Variants in CADM2 observed in about 807,000 individuals in gnomAD.
The protein encoded by CADM2 is cell adhesion molecule 2.
Under a neutral mutation model 49.8 loss-of-function variants are expected in CADM2, and 12 were observed. The observed-to-expected ratio is 0.24, with a 90% CI of 0.15 to 0.39. The LOEUF is 0.39. Among genes scored for constraint, CADM2 ranks in the 10% least tolerant of loss-of-function variants. CADM2 has a pLI of 1.00. For missense variants in CADM2, 378 were observed against 492.3 expected (o/e 0.77, Z 2.20); for synonymous variants, 214 against 175.4 (o/e 1.22, Z -1.74).
At chr3:85,598,727 TA>T (rs910363825) in intron 1 of CADM2, among the ~76,000 whole-genome samples, 87 of 152,112 alleles carry the variant, frequency 5.7e-4, no homozygotes, top group African/African-American at 1.9e-3. Context: ...AAAAAAATTT[TA>T]AATTCCAGTA....
chr3:86,011,534 T>C (rs1297103511), intron 8 of CADM2, among the ~76,000 whole-genome samples: 1 of 151,824 alleles, frequency 6.6e-6, no homozygotes, highest in African/African-American at 2.4e-5. Flanking sequence ...TTAAAATTGG[T>C]GGAATTGGGG....
intron 1 of CADM2, among the ~76,000 whole-genome samples, chr3:85,143,869 G>T (rs1358733912): frequency 1.3e-5 from 2 of 152,058 alleles, no homozygotes; most frequent in Non-Finnish European, 1.5e-5. Context: ...GTTTTCCAGA[G>T]GTTCTCATTT....
intron 1 of CADM2, among the ~76,000 whole-genome samples, chr3:84,997,167 A>G (rs763072149): frequency 2.0e-4 from 30 of 152,256 alleles, no homozygotes; most frequent in Non-Finnish European, 2.8e-4. Flanking sequence ...GATTTGTCCA[A>G]TAAAATTATT....
intron 1 of CADM2, among the ~76,000 whole-genome samples, chr3:85,295,421 C>T (rs144190294): frequency 0.066 from 9,965 of 152,106 alleles, 1,068 homozygotes; most frequent in African/African-American, 0.23. Flanking sequence ...TACCATTTGA[C>T]GCAGCCATCC....
intron 1 of CADM2, among the ~76,000 whole-genome samples, chr3:85,294,202 C>G (rs370168541): frequency 1.1e-4 from 16 of 152,070 alleles, no homozygotes; most frequent in East Asian, 9.7e-4. Context: ...GCTTCAAAGA[C>G]AATAAAATAC....
At chr3:85,643,929 G>A (rs1260642926) in intron 1 of CADM2, among the ~76,000 whole-genome samples, 2 of 151,986 alleles carry the variant, frequency 1.3e-5, no homozygotes, top group Admixed American at 1.3e-4. Flanking sequence ...TACATTGGGG[G>A]TTAGGGCTTT....
At chr3:85,946,266 A>C (rs1281319654) in intron 7 of CADM2, among the ~76,000 whole-genome samples, 3 of 150,932 alleles carry the variant, frequency 2.0e-5, no homozygotes, top group Admixed American at 1.3e-4. Flanking sequence ...ACCACTGCTC[A>C]ACTAAATAAA....
intron 1 of CADM2, among the ~76,000 whole-genome samples, chr3:85,568,411 C>CTTTCTTTCTTTCTT (rs1559915646): frequency 3.6e-5 from 1 of 27,516 alleles, no homozygotes; most frequent in African/African-American, 1.1e-4. Flanking sequence ...TTCTTTCTTT[C>CTTTCTTTCTTTCTT]TTTCTTTCTT....
chr3:85,380,724 G>A (rs2107352806), intron 1 of CADM2, among the ~76,000 whole-genome samples: 1 of 151,446 alleles, frequency 6.6e-6, no homozygotes, highest in Non-Finnish European at 1.5e-5. Flanking sequence ...TGAATAATTT[G>A]TTTCCTCAAT....
In CADM2 at chr3:86,073,282, T is replaced by C. The variant is rs1204549591; in HGVS notation, c.*6499T>C. Reference sequence around the variant, plus strand: ...TGCTATTTATATGACATGAAATTCATAACTTTTGGAAGGGTATATTTATGA... The same window carrying C: ...TGCTATTTATATGACATGAAATTCACAACTTTTGGAAGGGTATATTTATGA... On this transcript the variant is annotated 3_prime_UTR_variant, in exon 10 of 10. Transcript: ENST00000383699. The C allele has an allele frequency of 6.6e-6, 1 of 152,026 alleles. No homozygotes were observed. The highest frequency in any genetic ancestry group is 1.5e-5 in the Non-Finnish European group (1 of 67,934). 9.4% of individuals were successfully genotyped at this position (152,026 alleles called of 1,614,324 possible).
At chr3:85,174,016 A>G (rs1388151784) in intron 1 of CADM2, among the ~76,000 whole-genome samples, 1 of 152,178 alleles carries the variant, frequency 6.6e-6, no homozygotes, top group Non-Finnish European at 1.5e-5. Flanking sequence ...CATACCACAC[A>G]CATACACACA....
At chr3:85,512,117 A>G (rs547022917) in intron 1 of CADM2, among the ~76,000 whole-genome samples, 2 of 152,182 alleles carry the variant, frequency 1.3e-5, no homozygotes, top group South Asian at 4.1e-4. Context: ...GGTAGTGAGC[A>G]GAGAGGCTAA....
intron 7 of CADM2, among the ~76,000 whole-genome samples, chr3:85,945,944 G>A (rs542002243): frequency 6.6e-6 from 1 of 152,176 alleles, no homozygotes; most frequent in East Asian, 1.9e-4. Context: ...TCAGGCAGGA[G>A]AAAGAAATAA....
chr3:85,300,153 C>T (rs1196522905), intron 1 of CADM2, among the ~76,000 whole-genome samples: 2 of 152,048 alleles, frequency 1.3e-5, no homozygotes, highest in African/African-American at 4.8e-5. Flanking sequence ...TTTTTATCCA[C>T]GCACTTTCCA....
In CADM2 at chr3:85,221,035, G is replaced by T. The variant is rs1054387154; in HGVS notation, c.61+261367G>T. On this transcript the variant is annotated intron_variant, in intron 1 of 9. Coordinates refer to ENST00000383699, the MANE Select transcript of CADM2 (RefSeq NM_001167675.2). ...TCAACCTGCCTGTGAAACTGTAGGA[G>T]AATTAATGCCCAGAGTAAAGAATCG... Among the ~76,000 whole-genome samples the T allele has an allele frequency of 2.6e-5, 4 of 152,156 alleles. No homozygotes were observed. The East Asian group carries it at 7.7e-4, about 29-fold the overall frequency.
At chr3:85,645,655 TAATAA>T (rs1213252209) in intron 1 of CADM2, among the ~76,000 whole-genome samples, 7 of 151,942 alleles carry the variant, frequency 4.6e-5, no homozygotes, top group Non-Finnish European at 1.0e-4. Flanking sequence ...ATCTTGGATA[TAATAA>T]AATAATGAAA....
At chr3:85,996,390 C>T (rs980262859) in intron 8 of CADM2, among the ~76,000 whole-genome samples, 2 of 149,758 alleles carry the variant, frequency 1.3e-5, no homozygotes, top group Non-Finnish European at 3.0e-5. Context: ...CCTCTGCTCC[C>T]GGGTTCAAGT....
At chr3:85,625,305 T>C (rs1423414607) in intron 1 of CADM2, among the ~76,000 whole-genome samples, 1 of 152,110 alleles carries the variant, frequency 6.6e-6, no homozygotes, top group African/African-American at 2.4e-5. Context: ...CATTTATTTG[T>C]GTTTTGCCAT....
intron 1 of CADM2, among the ~76,000 whole-genome samples, chr3:85,395,296 C>CAAAAAAAAA (rs58315220): frequency 5.3e-5 from 4 of 75,540 alleles, no homozygotes; most frequent in Non-Finnish European, 8.2e-5. Context: ...AGACTCCATA[C>CAAAAAAAAA]AAAAAAAAAA....
Sources: allele counts gnomAD v4.1 joint callset (sites outside exome capture counted in the v4.1 genomes callset), GRCh38; gene constraint gnomAD v4.1.1; transcripts MANE v1.5; gene names NCBI Gene and HGNC (gene_info 2026-07-23, HGNC 2026-07-21).